Variants in DNAH7 observed in about 807,000 individuals in gnomAD.
DNAH7 encodes the protein axonemal beta dynein heavy chain 7.
DNAH7 carries 397 observed loss-of-function variants against 444.6 expected under a neutral mutation model. The observed-to-expected ratio is 0.89, with a 90% CI of 0.82 to 0.97. DNAH7 has a LOEUF of 0.97. Ranked by LOEUF, DNAH7 falls within the 50% of genes least tolerant of loss-of-function variation. DNAH7 has a pLI of 0.00. For missense variants in DNAH7, 4,902 were observed against 4,800.8 expected, an observed-to-expected ratio of 1.02 and a Z score of -0.62; for synonymous variants, 1,636 against 1,624.4, an observed-to-expected ratio of 1.01 and a Z score of -0.17.
intron 12 of DNAH7, chr2:195,994,704 C>T (rs1693578239): frequency 2.0e-6 from 1 of 502,932 alleles, no homozygotes; most frequent in African/African-American, 2.0e-5. Context: ...AACTTATAAC[C>T]ATTTGGTCTT....
chr2:195,929,678 G>A (rs1007187260), intron 21 of DNAH7, among the ~76,000 whole-genome samples: 8 of 152,136 alleles, frequency 5.3e-5, no homozygotes, highest in African/African-American at 1.7e-4. Context: ...ATATGAAGAA[G>A]AATGAAACTT....
chr2:196,028,125 A>G, intron 5 of DNAH7, 78 bp from the exon 6 acceptor site: 1 of 1,110,818 alleles, frequency 9.0e-7, no homozygotes, highest in Admixed American at 2.3e-5. Context: ...TAGGAACACC[A>G]GGACTATTTT....
chr2:196,001,832 T>C lies in DNAH7; in HGVS notation c.1016A>G (p.Tyr339Cys), dbSNP rs1427329763. The change falls in exon 11 of 65, where the codon TAT becomes TGT. Residue 339 changes from tyrosine (Y) to cysteine (C), a missense_variant. Transcript: ENST00000312428. The stretch of plus-strand genomic sequence containing the variant: ...TTGCTTTTTTTTATTACCTTGGTAA[T>C]AAATATTCTGCACTTCTGGAAACCA... Reference protein sequence around the residue: ...KMWFPEVQNIYYQGNKKKQLP... With the variant: ...KMWFPEVQNICYQGNKKKQLP... 1 of 1,609,246 alleles carries C rather than the reference T, an allele frequency of 6.2e-7. No individual in the cohort carries two copies.
chr2:195,804,760 A>G (rs1347535131), intron 54 of DNAH7, among the ~76,000 whole-genome samples: 4 of 152,214 alleles, frequency 2.6e-5, no homozygotes, highest in Admixed American at 6.5e-5. Flanking sequence ...AGTAAGATGT[A>G]TGGACACAAT....
chr2:195,929,190 G>A (rs930178781), intron 21 of DNAH7, among the ~76,000 whole-genome samples: 1 of 152,042 alleles, frequency 6.6e-6, no homozygotes, highest in Admixed American at 6.5e-5. Context: ...TCTCTACAAG[G>A]AGAACTACAA....
intron 15 of DNAH7, among the ~76,000 whole-genome samples, chr2:195,975,881 A>C (rs1342436794): frequency 6.6e-6 from 1 of 152,168 alleles, no homozygotes; most frequent in Non-Finnish European, 1.5e-5. Context: ...CTGACTAAAG[A>C]GCCCTTGGGC....
At chr2:195,987,026 C>G (rs1159943489) in intron 14 of DNAH7, 40 bp downstream of exon 14, 1 of 1,524,538 alleles carries the variant, frequency 6.6e-7, no homozygotes, top group Non-Finnish European at 8.8e-7. Flanking sequence ...TATTAAACAT[C>G]CCCTCCCAAA....
chr2:195,742,433 A>G (rs148250098), intron 63 of DNAH7, among the ~76,000 whole-genome samples: 3 of 152,372 alleles, frequency 2.0e-5, no homozygotes, highest in African/African-American at 4.8e-5. Context: ...GAGTGATAAT[A>G]TAATAGAAAG....
chr2:196,053,464 T>A (rs1404073442), intron 2 of DNAH7, among the ~76,000 whole-genome samples: 1 of 152,242 alleles, frequency 6.6e-6, no homozygotes. Flanking sequence ...TGCTATCCTG[T>A]TTATGATGTA....
At chr2:195,920,519 TAGA>T (rs1687959117) in intron 24 of DNAH7, among the ~76,000 whole-genome samples, 1 of 152,150 alleles carries the variant, frequency 6.6e-6, no homozygotes, top group South Asian at 2.1e-4. Context: ...AAGCCATATG[TAGA>T]AGAATGAAAC....
chr2:195,847,339 C>A (rs138575864), intron 46 of DNAH7, among the ~76,000 whole-genome samples: 3 of 151,816 alleles, frequency 2.0e-5, no homozygotes, highest in Non-Finnish European at 2.9e-5. Context: ...ATGTCCTCTG[C>A]AGCAACATGG....
At chr2:195,750,389 T>C (rs1043758709) in intron 63 of DNAH7, among the ~76,000 whole-genome samples, 1 of 152,180 alleles carries the variant, frequency 6.6e-6, no homozygotes, top group Non-Finnish European at 1.5e-5. Context: ...CAAAAACATA[T>C]AACCCTGAAA....
At chr2:195,906,877 A>G (rs199821921) in intron 26 of DNAH7, 30 bp downstream of exon 26, 1 of 1,609,982 alleles carries the variant, frequency 6.2e-7, no homozygotes, top group East Asian at 2.2e-5. Flanking sequence ...TTTTATTTTC[A>G]CATAATGCAA....
At chr2:195,752,494 A>G (rs1375492485) in intron 63 of DNAH7, among the ~76,000 whole-genome samples, 1 of 152,180 alleles carries the variant, frequency 6.6e-6, no homozygotes, top group African/African-American at 2.4e-5. Context: ...AAAGATCTAG[A>G]TTGAAGATTC....
chr2:195,993,613 G>C lies in DNAH7; in HGVS notation c.1354-5384C>G, dbSNP rs142305724. 5.6e-4 allele frequency among the ~76,000 whole-genome samples: 85 copies of C among 152,264 alleles called. 1 individual carries two copies. The East Asian group carries it at 0.015, about 27-fold the overall frequency. ...ACTGCAACAAGTATATTTGAAAACA[G>C]GTTCTTCATCCTAAAGGCTATGGAG... On this transcript the variant is annotated intron_variant, in intron 12 of 64. Coordinates refer to ENST00000312428, the MANE Select transcript of DNAH7 (RefSeq NM_018897.3).
Position 195,831,175 on chromosome 2 carries a change from T to C in DNAH7, c.9100+3031A>G, listed in dbSNP as rs145739885. Among the ~76,000 whole-genome samples, 20 of 152,354 alleles carry C rather than the reference T, an allele frequency of 1.3e-4. No homozygotes were observed. The East Asian group carries it at 2.5e-3, about 19-fold the overall frequency. On this transcript the variant is annotated intron_variant, in intron 48 of 64. Coordinates refer to ENST00000312428, the MANE Select transcript of DNAH7 (RefSeq NM_018897.3). ...TCTACAAATTGATTTATCAGCAATA[T>C]TTGTATGATTAGTATTTTATGCACA...
intron 48 of DNAH7, among the ~76,000 whole-genome samples, chr2:195,826,863 C>G (rs2124926385): frequency 6.6e-6 from 1 of 152,200 alleles, no homozygotes; most frequent in South Asian, 2.1e-4. Context: ...CATCTTGCAG[C>G]TTTACTATTT....
chr2:195,831,992 C>A (rs573399642), intron 48 of DNAH7, among the ~76,000 whole-genome samples: 1 of 152,204 alleles, frequency 6.6e-6, no homozygotes, highest in Non-Finnish European at 1.5e-5. Flanking sequence ...ACTTTTCTGG[C>A]CACAACTCAA....
intron 47 of DNAH7, 79 bp from the exon 48 acceptor site, chr2:195,834,439 C>A: frequency 7.1e-7 from 1 of 1,409,778 alleles, no homozygotes; most frequent in South Asian, 1.7e-5. Context: ...CATCACAGGT[C>A]ACTTTTTAAA....
Sources: allele counts gnomAD v4.1 joint callset (sites outside exome capture counted in the v4.1 genomes callset), GRCh38; gene constraint gnomAD v4.1.1; transcripts MANE v1.5; gene names NCBI Gene and HGNC (gene_info 2026-07-23, HGNC 2026-07-21).